ROBO2: variants seen among roughly 807,000 people sequenced by gnomAD.
ROBO2 encodes roundabout homolog 2.
Under a neutral mutation model 160.8 loss-of-function variants are expected in ROBO2, and 53 were observed. The observed-to-expected ratio is 0.33, with a 90% CI of 0.26 to 0.41. ROBO2 has a LOEUF of 0.41. Ranked by LOEUF, ROBO2 falls within the 10% of genes least tolerant of loss-of-function variation. The pLI is 1.00. For synonymous variants in ROBO2, 664 were observed against 611.7 expected, an observed-to-expected ratio of 1.09 and a Z score of -1.26; for missense variants, 1,577 against 1,722.4, an observed-to-expected ratio of 0.92 and a Z score of 1.49.
intron 2 of ROBO2, among the ~76,000 whole-genome samples, chr3:76,263,848 A>G (rs1326561383): frequency 6.6e-6 from 1 of 152,188 alleles, no homozygotes; most frequent in Non-Finnish European, 1.5e-5. Flanking sequence ...AACTGGATAA[A>G]GAAAATGTGG....
intron 2 of ROBO2, among the ~76,000 whole-genome samples, chr3:76,800,820 C>T (rs2064141436): frequency 6.6e-6 from 1 of 152,018 alleles, no homozygotes; most frequent in South Asian, 2.1e-4. Context: ...ATGGGGGTTC[C>T]TCAAATATTT....
intron 2 of ROBO2, among the ~76,000 whole-genome samples, chr3:76,202,707 T>G (rs1702595483): frequency 6.6e-6 from 1 of 152,052 alleles, no homozygotes; most frequent in Admixed American, 6.6e-5. Flanking sequence ...GTTATGGGTG[T>G]GGGTGTTTGT....
chr3:76,630,542 C>T (rs1361328701), intron 2 of ROBO2, among the ~76,000 whole-genome samples: 3 of 152,058 alleles, frequency 2.0e-5, no homozygotes, highest in Non-Finnish European at 2.9e-5. Context: ...TATCAATTAC[C>T]GTATGGTAAA....
chr3:76,551,063 G>T (rs981479436), intron 2 of ROBO2, among the ~76,000 whole-genome samples: 1 of 152,100 alleles, frequency 6.6e-6, no homozygotes, highest in African/African-American at 2.4e-5. Context: ...AGCTCCAGGT[G>T]GAGTTGGTGG....
chr3:76,520,798 A>C (rs1426074805), intron 2 of ROBO2, among the ~76,000 whole-genome samples: 1 of 152,060 alleles, frequency 6.6e-6, no homozygotes, highest in East Asian at 1.9e-4. Context: ...AACAAAACAA[A>C]CATTTTAAAA....
At chr3:76,479,020 A>G (rs547129329) in intron 2 of ROBO2, among the ~76,000 whole-genome samples, 29 of 152,220 alleles carry the variant, frequency 1.9e-4, no homozygotes, top group Admixed American at 4.6e-4. Context: ...AGTAACTTCA[A>G]TATCATGGTG....
intron 2 of ROBO2, among the ~76,000 whole-genome samples, chr3:76,965,916 A>AT (rs2059263871): frequency 3.5e-5 from 4 of 114,156 alleles, no homozygotes; most frequent in Non-Finnish European, 5.6e-5. Flanking sequence ...AGCTAGGCAT[A>AT]TTTTCTTTTT....
At chr3:77,252,831 A>AAAAAATATATATAT in intron 2 of ROBO2, among the ~76,000 whole-genome samples, 3 of 12,514 alleles carry the variant, frequency 2.4e-4, no homozygotes, top group African/African-American at 4.8e-4. Flanking sequence ...AAAAAAAAAA[A>AAAAAATATATATAT]ATATATATAT....
At chr3:77,403,985 A>C (rs1446461777) in intron 2 of ROBO2, among the ~76,000 whole-genome samples, 1 of 152,122 alleles carries the variant, frequency 6.6e-6, no homozygotes, top group Admixed American at 6.6e-5. Flanking sequence ...GCATTTGCTG[A>C]AATAAAACAC....
At chr3:76,378,497 T>C (rs994730332) in intron 2 of ROBO2, among the ~76,000 whole-genome samples, 2 of 152,134 alleles carry the variant, frequency 1.3e-5, no homozygotes, top group Non-Finnish European at 2.9e-5. Flanking sequence ...TCAAGTATCA[T>C]CCCTCCATCA....
At chr3:76,053,884 A>G (rs553083337) in intron 2 of ROBO2, among the ~76,000 whole-genome samples, 6 of 152,228 alleles carry the variant, frequency 3.9e-5, no homozygotes, top group African/African-American at 1.2e-4. Context: ...ACAGCTTTTC[A>G]GAGCTTTTTA....
intron 9 of ROBO2, among the ~76,000 whole-genome samples, chr3:77,561,666 T>C (rs1267110769): frequency 6.6e-6 from 1 of 152,164 alleles, no homozygotes; most frequent in African/African-American, 2.4e-5. Context: ...TATGATATAT[T>C]TATGTTCCCT....
chr3:77,136,990 C>T (rs1382425865), intron 2 of ROBO2, among the ~76,000 whole-genome samples: 1 of 152,044 alleles, frequency 6.6e-6, no homozygotes, highest in East Asian at 1.9e-4. Context: ...TATTATGCTA[C>T]CCAGGCTGGT....
intron 2 of ROBO2, among the ~76,000 whole-genome samples, chr3:76,347,964 TC>T (rs1161214570): frequency 6.6e-6 from 1 of 152,122 alleles, no homozygotes; most frequent in Non-Finnish European, 1.5e-5. Flanking sequence ...ACGGATGAAG[TC>T]TAAAGCTAAA....
chr3:76,812,591 A>G (rs1015436651), intron 2 of ROBO2, among the ~76,000 whole-genome samples: 1 of 152,058 alleles, frequency 6.6e-6, no homozygotes, highest in African/African-American at 2.4e-5. Context: ...ATTACAATCA[A>G]TTATGTATTA....
intron 2 of ROBO2, among the ~76,000 whole-genome samples, chr3:76,467,420 A>ATGG (rs2078420854): frequency 1.3e-5 from 2 of 152,148 alleles, no homozygotes; most frequent in South Asian, 4.1e-4. Context: ...GTAATAAAAT[A>ATGG]CACATGTTTA....
At chr3:77,061,096 C>T (rs1032006984) in intron 1 of ROBO2, among the ~76,000 whole-genome samples, 2 of 152,092 alleles carry the variant, frequency 1.3e-5, no homozygotes, top group Admixed American at 6.6e-5. Context: ...ACATTTCCAG[C>T]TCATTCTTTT....
At chr3:77,317,657 TGGGGGGCTGCTG>T (rs1198477985) in intron 2 of ROBO2, 2 of 104,656 alleles carry the variant, frequency 1.9e-5, no homozygotes, top group Non-Finnish European at 3.7e-5. Flanking sequence ...TGGTTGCTGC[TGGGGGGCTGCTG>T]GGGGGGCTGC....
intron 2 of ROBO2, among the ~76,000 whole-genome samples, chr3:76,762,018 T>G (rs894829325): frequency 1.3e-5 from 2 of 151,628 alleles, no homozygotes; most frequent in Non-Finnish European, 3.0e-5. Context: ...AACAGTTTTT[T>G]TTTTTCATTT....
Sources: allele counts gnomAD v4.1 joint callset (sites outside exome capture counted in the v4.1 genomes callset), GRCh38; gene constraint gnomAD v4.1.1; transcripts MANE v1.5; gene names NCBI Gene and HGNC (gene_info 2026-07-23, HGNC 2026-07-21).